CCT6B: variants seen among roughly 807,000 people sequenced by gnomAD.
CCT6B encodes probable T-complex protein 1 subunit zeta-2.
Under a neutral mutation model 61.5 loss-of-function variants are expected in CCT6B, and 49 were observed. The ratio of observed to expected loss-of-function variants is 0.80; its 90% CI spans 0.63 to 1.01. The LOEUF (loss-of-function observed/expected upper bound fraction) is 1.01. CCT6B is among the 50% of genes least tolerant of loss of function. The pLI, the probability that CCT6B is intolerant of heterozygous loss-of-function variation, is 0.00. For synonymous variants in CCT6B, 228 were observed against 214.5 expected, an observed-to-expected ratio of 1.06 and a Z score of -0.55; for missense variants, 666 against 634.7, an observed-to-expected ratio of 1.05 and a Z score of -0.53.
intron 3 of CCT6B, among the ~76,000 whole-genome samples, chr17:34,958,226 C>G (rs2090369793): frequency 6.6e-6 from 1 of 152,056 alleles, no homozygotes; most frequent in African/African-American, 2.4e-5. Context: ...GGTGGATCAC[C>G]TGAGGTCAGG....
chr17:34,934,880 C>T (rs887704374), intron 10 of CCT6B, among the ~76,000 whole-genome samples: 32 of 152,136 alleles, frequency 2.1e-4, no homozygotes, highest in Non-Finnish European at 4.4e-5. Flanking sequence ...AAAATATACA[C>T]AGACCAATAC....
chr17:34,955,845 G>A (rs1315924383), intron 3 of CCT6B, among the ~76,000 whole-genome samples: 1 of 152,090 alleles, frequency 6.6e-6, no homozygotes, highest in African/African-American at 2.4e-5. Context: ...AGAAGACCGA[G>A]GCTTAAAGGG....
intron 4 of CCT6B, among the ~76,000 whole-genome samples, chr17:34,952,958 C>G (rs1042039347): frequency 1.3e-5 from 2 of 152,110 alleles, no homozygotes; most frequent in Admixed American, 6.5e-5. Flanking sequence ...CATTCAAGTA[C>G]TCTAACAGCA....
At chr17:34,952,230 C>G (rs771394345) in intron 4 of CCT6B, among the ~76,000 whole-genome samples, 177 bp from the exon 5 acceptor site, 4 of 152,336 alleles carry the variant, frequency 2.6e-5, no homozygotes, top group Non-Finnish European at 5.9e-5. Context: ...CCAACAGACA[C>G]TTTAGAGTCT....
chr17:34,954,650 A>G (rs777675781), intron 3 of CCT6B, 51 bp from the exon 4 acceptor site: 1 of 1,431,324 alleles, frequency 7.0e-7, no homozygotes, highest in Non-Finnish European at 9.5e-7. Flanking sequence ...ACCCAATGTA[A>G]AAGTAACCAA....
At chr17:34,958,312 C>T (rs944724023) in intron 3 of CCT6B, among the ~76,000 whole-genome samples, 1 of 151,976 alleles carries the variant, frequency 6.6e-6, no homozygotes, top group Non-Finnish European at 1.5e-5. Flanking sequence ...GGCATGATGG[C>T]GCATGCCTGT....
intron 5 of CCT6B, chr17:34,943,475 A>G (rs16970468): frequency 0.3 from 45,155 of 152,152 alleles, 7,178 homozygotes; most frequent in Non-Finnish European, 0.37. Flanking sequence ...ATGGTTATAA[A>G]AAGTATGTAA....
chr17:34,934,690 C>T (rs181690978), intron 10 of CCT6B, among the ~76,000 whole-genome samples: 1 of 152,248 alleles, frequency 6.6e-6, no homozygotes, highest in Admixed American at 6.5e-5. Context: ...AAGAAAACTC[C>T]AGGCTCAGAT....
At position 34,958,561 on chromosome 17, in the gene CCT6B, T is replaced by C. The variant is rs371716307; in HGVS notation, c.335A>G (p.Glu112Gly). The stretch of plus-strand genomic sequence containing the variant: ...ATATAAACTGTGAAATTCTAATACC[T>C]CAGAAATGTACAGGTCAGCTTGTTT... Reference protein sequence around the residue: ...LLKQADLYISEGLHPRIIAEG... With the variant: ...LLKQADLYISGGLHPRIIAEG... Residue 112 changes from glutamate to glycine, a missense_variant and splice_region_variant, in exon 3 of 14, where the codon GAG (glutamate) becomes GGG (glycine). Coordinates refer to ENST00000314144, the MANE Select transcript of CCT6B (RefSeq NM_006584.4). 1 of 1,513,576 alleles carries C rather than the reference T, an allele frequency of 6.6e-7. No individual in the cohort carries two copies. 93.8% of individuals were successfully genotyped at this position (1,513,576 alleles called of 1,614,324 possible).
chr17:34,941,175 A>G (rs1292748773), intron 7 of CCT6B, among the ~76,000 whole-genome samples: 3 of 152,224 alleles, frequency 2.0e-5, no homozygotes, highest in African/African-American at 7.2e-5. Flanking sequence ...ATGGAACCAT[A>G]GCAATGAACT....
chr17:34,938,640 T>C (rs1387826513), intron 10 of CCT6B, among the ~76,000 whole-genome samples: 8 of 151,788 alleles, frequency 5.3e-5, no homozygotes, highest in Non-Finnish European at 8.8e-5. Flanking sequence ...CCAAGACAAG[T>C]GGATCCCTTG....
intron 10 of CCT6B, among the ~76,000 whole-genome samples, chr17:34,936,087 A>G (rs1039248599): frequency 6.6e-6 from 1 of 152,126 alleles, no homozygotes. Flanking sequence ...AGAAGCTGAG[A>G]TTGCAGGTGC....
chr17:34,932,405 C>T lies in CCT6B; in HGVS notation c.1309G>A (p.Val437Ile). 6.2e-7 allele frequency: 1 copy of T among 1,612,102 alleles called. No homozygotes were observed. Among genetic ancestry groups the T allele is most frequent in the Non-Finnish European group, 8.5e-7 (1 of 1,179,264 alleles). ...NSIKGRARLGVQAFADALLII... is the reference protein window; with the variant it reads ...NSIKGRARLGIQAFADALLII... ...AGTAAGGCATCAGCAAAAGCTTGGA[C>T]TCCAAGACGAGCTCTTCCTTTTATA... Residue 437 changes from valine to isoleucine, a missense_variant, in exon 11 of 14, where the codon GTC (valine) becomes ATC (isoleucine). By Grantham distance (29) the Val-to-Ile change is conservative (BLOSUM62 3). Transcript: ENST00000314144.
intron 3 of CCT6B, 132 bp from the exon 4 acceptor site, chr17:34,954,731 TAA>T (rs1169317283): frequency 4.5e-6 from 3 of 662,660 alleles, no homozygotes; most frequent in Non-Finnish European, 7.3e-6. Flanking sequence ...ACATAATTTA[TAA>T]AAGTCATTTT....
chr17:34,932,217 C>T (rs1333904643), intron 11 of CCT6B, 150 bp downstream of exon 11: 2 of 677,028 alleles, frequency 3.0e-6, no homozygotes, highest in Non-Finnish European at 4.5e-6. Context: ...AGTTTCCCTG[C>T]TTTAGTTGTA....
chr17:34,932,379 G>T lies in CCT6B; in HGVS notation c.1335C>A (p.Leu445=). The T allele has an allele frequency of 6.2e-7, 1 of 1,610,032 alleles. No homozygotes were observed. Among genetic ancestry groups the T allele is most frequent in the African/African-American group, 1.3e-5 (1 of 74,814 alleles). ...LGVQAFADAL[L]IIPKVLAQNA... is the part of the protein sequence containing the mutation. ...AGGGTAGTTGTACCTTGGGAATAAT[G>T]AGTAAGGCATCAGCAAAAGCTTGGA... Residue 445 remains leucine, a synonymous_variant, in exon 11 of 14, where the codon CTC becomes CTA. Coordinates refer to ENST00000314144, the MANE Select transcript of CCT6B (RefSeq NM_006584.4).
chr17:34,934,545 G>A (rs951952088), intron 10 of CCT6B, among the ~76,000 whole-genome samples: 13 of 152,122 alleles, frequency 8.5e-5, no homozygotes, highest in African/African-American at 3.1e-4. Flanking sequence ...GATAGTAGTT[G>A]ATGATCCTAA....
Position 34,928,944 on chromosome 17 carries a change from A to G in CCT6B, c.1523+18T>C. The G allele has an allele frequency of 1.4e-6, 2 of 1,380,794 alleles. No homozygotes were observed. The highest frequency in any genetic ancestry group is 1.2e-5 in the South Asian group (1 of 82,890). The allele number at this position is 1,380,794 out of a possible 1,614,324, so 85.5% of individuals were successfully genotyped here. On this transcript the variant is annotated intron_variant, in intron 13 of 13. Transcript: ENST00000314144. The stretch of plus-strand genomic sequence containing the variant: ...TATAACTCTACAGGTCTTTCACTTT[A>G]TGTTCATATGAACTTACCAAGAGTG...
chr17:34,943,671 G>A (rs2090192303), intron 5 of CCT6B: 1 of 151,898 alleles, frequency 6.6e-6, no homozygotes, highest in African/African-American at 2.4e-5. Flanking sequence ...GTTAAATGAT[G>A]AGTTAATGGG....
Sources: allele counts gnomAD v4.1 joint callset (sites outside exome capture counted in the v4.1 genomes callset), GRCh38; gene constraint gnomAD v4.1.1; transcripts MANE v1.5; gene names NCBI Gene and HGNC (gene_info 2026-07-23, HGNC 2026-07-21).